The following GRHL3 variants were observed in gnomAD, a reference collection of about 807,000 sequenced individuals.
GRHL3 encodes grainyhead like transcription factor 3.
In GRHL3, 20 loss-of-function variants were observed where a neutral mutation model predicts 70.3. The ratio of observed to expected loss-of-function variants is 0.28; its 90% CI spans 0.20 to 0.41. GRHL3 has a LOEUF of 0.41. Among genes scored for constraint, GRHL3 ranks in the 10% least tolerant of loss-of-function variants. GRHL3 has a pLI of 1.00. For synonymous variants in GRHL3, 299 were observed against 299.9 expected (o/e 1.00, Z 0.03); for missense variants, 637 against 762.3 (o/e 0.84, Z 1.94).
At position 24,341,830 on chromosome 1, in the gene GRHL3, C is replaced by T. The variant is rs138167382; in HGVS notation, c.1048-285C>T. Among the ~76,000 whole-genome samples the T allele has an allele frequency of 1.9e-3, 283 of 152,360 alleles. 1 individual carries two copies. The highest frequency in any genetic ancestry group is 6.4e-3 in the African/African-American group (266 of 41,588). On this transcript the variant is annotated intron_variant, in intron 8 of 15. Transcript: ENST00000361548. Reference sequence around the variant, plus strand: ...CCTTGGGCTGCCCTTGGCAGTCTAGCGGAAACTGTACCAACAGCGGTGAAA... The same window carrying T: ...CCTTGGGCTGCCCTTGGCAGTCTAGTGGAAACTGTACCAACAGCGGTGAAA...
Position 24,346,656 on chromosome 1 carries a change from T to A in GRHL3, c.1543+15T>A. 6.3e-7 allele frequency: 1 copy of A among 1,598,446 alleles called. No individual in the cohort carries two copies. Among genetic ancestry groups the A allele is most frequent in the Non-Finnish European group, 8.6e-7 (1 of 1,168,038 alleles). On this transcript the variant is annotated intron_variant, in intron 13 of 15. Transcript: ENST00000361548. ...CCTTCAGAGAGGTGACCTCCCGCCC[T>A]CCTCATTTACTCACCAGGCCCACCC...
chr1:24,346,449 G>C, intron 12 of GRHL3, 104 bp from the exon 13 acceptor site: 1 of 713,612 alleles, frequency 1.4e-6, no homozygotes, highest in Non-Finnish European at 2.5e-6. Context: ...ATCCACCCTT[G>C]TGTTTTCTTC....
chr1:24,358,413 A>T (rs1305036799), downstream of GRHL3: 6 of 804,740 alleles, frequency 7.5e-6, no homozygotes, highest in Non-Finnish European at 1.3e-5. Context: ...ATGCCAGGCC[A>T]GAGTGGTAGA....
chr1:24,364,389 G>C, exon 16 of GRHL3: 1 of 1,523,320 alleles, frequency 6.6e-7, no homozygotes, highest in Non-Finnish European at 8.8e-7. Flanking sequence ...ACCTGGAGGA[G>C]AGGTGGAAGG....
At chr1:24,331,404 G>T in intron 1 of GRHL3, 22 bp from the exon 2 acceptor site, 1 of 1,579,764 alleles carries the variant, frequency 6.3e-7, no homozygotes, top group South Asian at 1.2e-5. Context: ...GCCTAAATTT[G>T]ACTCTCCTTA....
At chr1:24,350,018 G>T (rs373887032) in intron 14 of GRHL3, 40 bp from the exon 15 acceptor site, 2 of 1,487,968 alleles carry the variant, frequency 1.3e-6, no homozygotes, top group African/African-American at 1.4e-5. Flanking sequence ...TAAATCTAGC[G>T]TGGGCAGCAG....
downstream of GRHL3, among the ~76,000 whole-genome samples, chr1:24,356,169 G>A (rs1385418354): frequency 2.6e-5 from 4 of 152,156 alleles, no homozygotes; most frequent in East Asian, 7.7e-4. Flanking sequence ...AAAGTGCTGG[G>A]ATTACAGGCG....
chr1:24,340,993 A>G (rs2148659077), intron 8 of GRHL3, among the ~76,000 whole-genome samples: 1 of 152,100 alleles, frequency 6.6e-6, no homozygotes, highest in South Asian at 2.1e-4. Flanking sequence ...TATGTCTGGC[A>G]TGTGCCTGGG....
At chr1:24,359,323 C>T (rs1640935440), downstream of GRHL3, among the ~76,000 whole-genome samples, 3 of 152,228 alleles carry the variant, frequency 2.0e-5, no homozygotes, top group Admixed American at 6.5e-5. This position sits in a 1 kb window ranked among gnomAD's most constrained non-coding sequence, Gnocchi z 5.3. Context: ...AAAAGTCATT[C>T]GGGCAATGCT....
At position 24,322,790 on chromosome 1, in the gene GRHL3, A is replaced by G. The variant is rs1002914423; in HGVS notation, c.17+3222A>G. On this transcript the variant is annotated intron_variant, in intron 1 of 15. Transcript: ENST00000361548. The surrounding 1 kb of genome is among the most constrained non-coding windows in gnomAD (Gnocchi z 4.4). ...TACGTTAGAACAAAAATGACAGCCA[A>G]CATTTATGGAGCGCTGACTCCGCAT... is the stretch of plus-strand genomic sequence containing the variant. 4.6e-5 allele frequency among the ~76,000 whole-genome samples: 7 copies of G among 152,248 alleles called. No individual in the cohort carries two copies. Among genetic ancestry groups the G allele is most frequent in the African/African-American group, 1.7e-4 (7 of 41,468 alleles).
chr1:24,331,392 T>C (rs776095273), intron 1 of GRHL3, 34 bp from the exon 2 acceptor site: 8 of 1,562,920 alleles, frequency 5.1e-6, no homozygotes, highest in Non-Finnish European at 7.0e-6. Context: ...TCCTCTGGGA[T>C]AGCCTAAATT....
At chr1:24,325,926 C>G (rs1013330560) in intron 1 of GRHL3, among the ~76,000 whole-genome samples, 3 of 152,208 alleles carry the variant, frequency 2.0e-5, no homozygotes, top group Admixed American at 6.5e-5. Context: ...GTTCTGGATG[C>G]TGGGAGCCAG....
Position 24,339,725 on chromosome 1 carries a change from C to T in GRHL3, c.1010C>T (p.Ala337Val). 6.2e-7 allele frequency: 1 copy of T among 1,613,380 alleles called. No individual in the cohort carries two copies. The highest frequency in any genetic ancestry group is 8.5e-7 in the Non-Finnish European group (1 of 1,179,406). ...VEHIEEVAYN[A>V]LSFVWNVNEE... ...CACATTGAGGAGGTGGCCTATAATG[C>T]ACTGTCCTTTGTGTGGAACGTGAAT... The change falls in exon 8 of 16, where the codon GCA becomes GTA. Residue 337 changes from alanine (A) to valine (V), a missense_variant. By Grantham distance (64) the Ala-to-Val change is moderately conservative. This residue lies in a region of GRHL3 where 387 missense variants were observed against 513.8 expected (regional missense o/e 0.75). Transcript: ENST00000361548.
downstream of GRHL3, among the ~76,000 whole-genome samples, chr1:24,359,661 CG>C (rs1369019038): frequency 6.6e-6 from 1 of 152,162 alleles, no homozygotes; most frequent in Non-Finnish European, 1.5e-5. This position sits in a 1 kb window ranked among gnomAD's most constrained non-coding sequence, Gnocchi z 5.3. Context: ...CTCCCTCGCA[CG>C]GGAGCATCGT....
At chr1:24,346,921 C>A (rs978014018) in intron 13 of GRHL3, among the ~76,000 whole-genome samples, 5 of 152,118 alleles carry the variant, frequency 3.3e-5, no homozygotes, top group Non-Finnish European at 7.4e-5. Flanking sequence ...GCGAGTCCCC[C>A]CTCTCCCACT....
At chr1:24,319,596 G>A (rs763179390) in intron 1 of GRHL3, 28 bp downstream of exon 1, 94 of 1,613,582 alleles carry the variant, frequency 5.8e-5, no homozygotes, top group Non-Finnish European at 7.8e-5. Context: ...GATACCTGCC[G>A]CTCTCAGAGC....
At chr1:24,319,683 G>A (rs1174646207) in intron 1 of GRHL3, 115 bp downstream of exon 1, 2 of 1,604,026 alleles carry the variant, frequency 1.2e-6, no homozygotes. Context: ...AATTTGTAAG[G>A]GTAAATGAAT....
chr1:24,361,163 T>C (rs532147), intron 15 of GRHL3: 591,977 of 851,850 alleles, frequency 0.69, 208,760 homozygotes, highest in East Asian at 0.89. Flanking sequence ...GTCACGGCAC[T>C]GGGGCAGAGC....
At chr1:24,359,498 T>A (rs1640954804), downstream of GRHL3, among the ~76,000 whole-genome samples, 1 of 152,188 alleles carries the variant, frequency 6.6e-6, no homozygotes, top group Non-Finnish European at 1.5e-5. The surrounding 1 kb of genome is among the most constrained non-coding windows in gnomAD (Gnocchi z 5.3). Context: ...GCTGGTGTGA[T>A]TATCACCACA....
Sources: allele counts gnomAD v4.1 joint callset (sites outside exome capture counted in the v4.1 genomes callset), GRCh38; gene constraint gnomAD v4.1.1; regional missense constraint gnomAD v4.1.1; non-coding constraint Gnocchi (gnomAD v3.1); transcripts MANE v1.5; gene names NCBI Gene and HGNC (gene_info 2026-07-23, HGNC 2026-07-21).